SUSD1: variants seen among roughly 807,000 people sequenced by gnomAD.
SUSD1 encodes sushi domain-containing protein 1.
A neutral mutation model predicts 86.9 loss-of-function variants in SUSD1; 65 were observed. That is an observed-to-expected ratio of 0.75 (90% CI 0.61 to 0.92). The LOEUF is 0.92. SUSD1 is among the 40% of genes least tolerant of loss of function. The pLI is 0.00. For missense variants in SUSD1, 850 were observed against 929.7 expected (o/e 0.91, Z 1.11); for synonymous variants, 346 against 350.0 (o/e 0.99, Z 0.13).
intron 12 of SUSD1, among the ~76,000 whole-genome samples, chr9:112,076,892 G>T (rs1829539244): frequency 6.6e-6 from 1 of 152,150 alleles, no homozygotes; most frequent in Admixed American, 6.5e-5. Flanking sequence ...ACTGGCCATT[G>T]GATTTGGCAA....
chr9:112,174,983 C>A, intron 1 of SUSD1, 150 bp downstream of exon 1: 1 of 500,316 alleles, frequency 2.0e-6, no homozygotes, highest in Non-Finnish European at 2.6e-6. Flanking sequence ...TTGCCGATCT[C>A]CAACGGCCGG....
At chr9:112,130,022 G>A (rs1831946928) in intron 5 of SUSD1, among the ~76,000 whole-genome samples, 1 of 152,180 alleles carries the variant, frequency 6.6e-6, no homozygotes, top group South Asian at 2.1e-4. Flanking sequence ...ACAAAAACCA[G>A]TATTAATCTT....
At position 112,149,281 on chromosome 9, in the gene SUSD1, G is replaced by C. The variant is rs1325619745; in HGVS notation, c.336C>G (p.Asn112Lys). Residue 112 changes from asparagine to lysine, a missense_variant, in exon 3 of 17, where the codon AAC (asparagine) becomes AAG (lysine). Coordinates refer to ENST00000374270, the MANE Select transcript of SUSD1 (RefSeq NM_022486.5). ...TGCCATCGTTGGGAATGAATGTCTT[G>C]TTGTTGTTTGTGGCTCGATATCCTT... ...CLEGYRATNN[N>K]KTFIPNDGTF... The C allele has an allele frequency of 1.2e-5, 20 of 1,614,104 alleles. No homozygotes were observed. Among genetic ancestry groups the C allele is most frequent in the Non-Finnish European group, 1.7e-5 (20 of 1,179,992 alleles).
chr9:112,118,577 T>G (rs1379184278), intron 6 of SUSD1, among the ~76,000 whole-genome samples: 1 of 152,178 alleles, frequency 6.6e-6, no homozygotes, highest in Admixed American at 6.6e-5. Flanking sequence ...CTCCGCCTCC[T>G]GAGTTCAAGT....
At chr9:112,051,318 G>A (rs1411799929) in intron 15 of SUSD1, among the ~76,000 whole-genome samples, 2 of 151,984 alleles carry the variant, frequency 1.3e-5, no homozygotes, top group Non-Finnish European at 2.9e-5. Context: ...TGCAGTAACG[G>A]ACCCAGCTTT....
intron 8 of SUSD1, among the ~76,000 whole-genome samples, chr9:112,106,474 T>C (rs1046334958): frequency 1.3e-5 from 2 of 151,974 alleles, no homozygotes; most frequent in African/African-American, 4.8e-5. Flanking sequence ...AAGTATCCCA[T>C]TCCCTCCCTG....
intron 3 of SUSD1, among the ~76,000 whole-genome samples, chr9:112,148,838 G>A (rs557122475): frequency 2.0e-5 from 3 of 151,824 alleles, no homozygotes; most frequent in Admixed American, 6.6e-5. Context: ...CCCAGGAGGC[G>A]GAGGTTACAG....
chr9:112,129,891 C>A (rs1296602356), intron 5 of SUSD1, among the ~76,000 whole-genome samples: 1 of 152,162 alleles, frequency 6.6e-6, no homozygotes, highest in Non-Finnish European at 1.5e-5. Flanking sequence ...CAGGAAGAAA[C>A]CAGACATCAG....
At chr9:112,041,720 CT>C in intron 16 of SUSD1, 146 bp downstream of exon 16, 1 of 763,752 alleles carries the variant, frequency 1.3e-6, no homozygotes, top group South Asian at 1.7e-5. Context: ...TTAGTCATGC[CT>C]TTCACCGCTG....
chr9:112,062,780 A>T (rs1338065882), intron 13 of SUSD1, among the ~76,000 whole-genome samples, 157 bp downstream of exon 13: 3 of 152,214 alleles, frequency 2.0e-5, no homozygotes, highest in African/African-American at 7.2e-5. Context: ...ATTAAAGGCC[A>T]GTCTGTACCC....
chr9:112,152,284 T>G (rs1833084887), intron 2 of SUSD1, among the ~76,000 whole-genome samples: 1 of 152,154 alleles, frequency 6.6e-6, no homozygotes, highest in South Asian at 2.1e-4. Context: ...ACTTTTCAAT[T>G]TTTTTAACTT....
At chr9:112,072,582 C>A (rs1589611839) in intron 12 of SUSD1, among the ~76,000 whole-genome samples, 1 of 152,140 alleles carries the variant, frequency 6.6e-6, no homozygotes. Flanking sequence ...CCTTCTCATG[C>A]ACGTTTTATA....
intron 8 of SUSD1, chr9:112,103,284 A>G (rs1367124803): frequency 2.7e-5 from 9 of 334,390 alleles, no homozygotes; most frequent in Admixed American, 4.7e-5. Flanking sequence ...CCTGCCTATA[A>G]TTGGAAAGTG....
chr9:112,063,066 T>C (rs1398252524), intron 12 of SUSD1, 33 bp from the exon 13 acceptor site: 7 of 1,384,640 alleles, frequency 5.1e-6, no homozygotes, highest in Admixed American at 3.4e-5. Context: ...AAAAGGGGTA[T>C]GATTGGAACA....
At chr9:112,063,812 A>T (rs1828843173) in intron 12 of SUSD1, among the ~76,000 whole-genome samples, 1 of 152,172 alleles carries the variant, frequency 6.6e-6, no homozygotes. Context: ...GATGTTCTAC[A>T]TATGCCCCAT....
chr9:112,106,372 A>G (rs964266843), intron 8 of SUSD1, among the ~76,000 whole-genome samples: 2 of 152,154 alleles, frequency 1.3e-5, no homozygotes, highest in Admixed American at 6.5e-5. Flanking sequence ...TCCAAGAACA[A>G]AAGTTTATGA....
At chr9:112,047,049 A>G (rs1377606849) in intron 15 of SUSD1, among the ~76,000 whole-genome samples, 2 of 152,174 alleles carry the variant, frequency 1.3e-5, no homozygotes, top group African/African-American at 2.4e-5. Context: ...ACACTGCTAT[A>G]AAGAACTACC....
At chr9:112,041,797 T>A (rs1827749569) in intron 16 of SUSD1, 70 bp downstream of exon 16, 8 of 1,462,670 alleles carry the variant, frequency 5.5e-6, no homozygotes, top group Non-Finnish European at 7.5e-6. Flanking sequence ...CATCCCCAGC[T>A]GTTCTTCGTG....
intron 2 of SUSD1, among the ~76,000 whole-genome samples, chr9:112,155,283 C>T (rs1178915006): frequency 6.6e-6 from 1 of 151,804 alleles, no homozygotes; most frequent in East Asian, 1.9e-4. Flanking sequence ...AAGCTAGCAC[C>T]CATGGGAGGA....
Sources: allele counts gnomAD v4.1 joint callset (sites outside exome capture counted in the v4.1 genomes callset), GRCh38; gene constraint gnomAD v4.1.1; transcripts MANE v1.5; gene names NCBI Gene and HGNC (gene_info 2026-07-23, HGNC 2026-07-21).